IL1R1: variants seen among roughly 807,000 people sequenced by gnomAD.
IL1R1 encodes the protein interleukin 1 receptor type 1, also known as interleukin-1 receptor type 1.
Under a neutral mutation model 50.2 loss-of-function variants are expected in IL1R1, and 22 were observed. The observed-to-expected ratio is 0.44, with a 90% CI of 0.31 to 0.63. IL1R1 has a LOEUF of 0.63. Among genes scored for constraint, IL1R1 ranks in the 20% least tolerant of loss-of-function variants. The probability of loss-of-function intolerance (pLI) is 0.07; values close to 1 mark genes in which losing one functional copy is unlikely to be tolerated. For missense variants in IL1R1, 509 were observed against 676.2 expected (o/e 0.75, Z 2.74); for synonymous variants, 251 against 236.7 (o/e 1.06, Z -0.55).
chr2:102,101,628 A>T (rs542153539), upstream of IL1R1, among the ~76,000 whole-genome samples: 2 of 152,346 alleles, frequency 1.3e-5, no homozygotes, highest in South Asian at 4.1e-4. Context: ...TCATAAATGC[A>T]AATCAATTCT....
intron 1 of IL1R1, among the ~76,000 whole-genome samples, chr2:102,106,746 C>A (rs1165058200): frequency 6.6e-6 from 1 of 152,132 alleles, no homozygotes; most frequent in African/African-American, 2.4e-5. Context: ...ACATGCTTTT[C>A]GGTTATCTGC....
chr2:102,126,300 C>T (rs1348677150), intron 1 of IL1R1, among the ~76,000 whole-genome samples: 1 of 152,220 alleles, frequency 6.6e-6, no homozygotes, highest in African/African-American at 2.4e-5. Flanking sequence ...TTTAATGCAG[C>T]AGCTGCAAAT....
chr2:102,129,632 TA>T (rs1681922003), intron 1 of IL1R1, among the ~76,000 whole-genome samples: 1 of 152,188 alleles, frequency 6.6e-6, no homozygotes, highest in Admixed American at 6.5e-5. Flanking sequence ...TGCTGTGAAG[TA>T]TTGCTTTGAA....
intron 1 of IL1R1, among the ~76,000 whole-genome samples, chr2:102,091,358 C>T (rs1679659023): frequency 6.6e-6 from 1 of 152,046 alleles, no homozygotes; most frequent in African/African-American, 2.4e-5. Context: ...TTCTAAAATA[C>T]ATTCACTTTA....
upstream of IL1R1, chr2:102,141,679 T>G (rs547763438): frequency 6.6e-6 from 1 of 152,214 alleles, no homozygotes; most frequent in African/African-American, 2.4e-5. Context: ...CAGGGGTGGG[T>G]TACGAGAACA....
At chr2:102,100,128 G>A (rs924196230), upstream of IL1R1, among the ~76,000 whole-genome samples, 13 of 152,248 alleles carry the variant, frequency 8.5e-5, no homozygotes, top group African/African-American at 1.9e-4. Context: ...TCTGCACATC[G>A]TCGGGTTCTT....
chr2:102,087,326 C>T (rs1559454558), intron 1 of IL1R1, among the ~76,000 whole-genome samples: 2 of 152,130 alleles, frequency 1.3e-5, no homozygotes, highest in Non-Finnish European at 2.9e-5. Context: ...ATTAACCATG[C>T]CACAGCGATC....
chr2:102,112,341 T>G, intron 1 of IL1R1, among the ~76,000 whole-genome samples: 1 of 147,794 alleles, frequency 6.8e-6, no homozygotes, highest in African/African-American at 2.5e-5. Flanking sequence ...TGTGTGTGAG[T>G]GTGAGTGTGT....
chr2:102,102,927 A>G (rs1680206172), upstream of IL1R1, among the ~76,000 whole-genome samples: 1 of 152,172 alleles, frequency 6.6e-6, no homozygotes, highest in African/African-American at 2.4e-5. Context: ...GGTCTCACTT[A>G]TAAGTGAGAA....
intron 1 of IL1R1, among the ~76,000 whole-genome samples, chr2:102,076,677 T>C (rs967674186): frequency 9.2e-5 from 14 of 152,184 alleles, no homozygotes; most frequent in Non-Finnish European, 1.9e-4. Flanking sequence ...AAATCTGCTG[T>C]CATTCTTTTT....
At chr2:102,146,367 G>A (rs1433681455) in intron 1 of IL1R1, among the ~76,000 whole-genome samples, 2 of 152,076 alleles carry the variant, frequency 1.3e-5, no homozygotes, top group Non-Finnish European at 2.9e-5. Flanking sequence ...TACAACATAA[G>A]TTTAAAAAAT....
intron 1 of IL1R1, among the ~76,000 whole-genome samples, chr2:102,094,972 G>A (rs1679836698): frequency 6.6e-6 from 1 of 152,218 alleles, no homozygotes; most frequent in Admixed American, 6.5e-5. Context: ...AAAGGGGCGT[G>A]AGAAAAATTT....
intron 1 of IL1R1, among the ~76,000 whole-genome samples, chr2:102,073,517 G>A (rs1398417704): frequency 3.3e-5 from 5 of 152,106 alleles, no homozygotes; most frequent in Admixed American, 6.5e-5. Flanking sequence ...GTGTAGAGGA[G>A]ACTGATGATG....
chr2:102,091,301 G>A (rs1223876022), intron 1 of IL1R1, among the ~76,000 whole-genome samples: 1 of 152,116 alleles, frequency 6.6e-6, no homozygotes, highest in African/African-American at 2.4e-5. Context: ...GATAGCCTAT[G>A]AGTGTATGTA....
At chr2:102,093,836 T>C (rs113324260) in intron 1 of IL1R1, among the ~76,000 whole-genome samples, 1 of 151,112 alleles carries the variant, frequency 6.6e-6, no homozygotes, top group Non-Finnish European at 1.5e-5. Context: ...CTCCTCTGAG[T>C]GTCCGAGGAG....
chr2:102,104,741 C>T (rs573895227), exon 1 of IL1R1: 3 of 152,154 alleles, frequency 2.0e-5, no homozygotes, highest in African/African-American at 4.8e-5. Flanking sequence ...AAAGCACTTT[C>T]GTTTTTTAAT....
intron 1 of IL1R1, among the ~76,000 whole-genome samples, chr2:102,108,103 T>C (rs1186663187): frequency 6.6e-6 from 1 of 152,138 alleles, no homozygotes; most frequent in African/African-American, 2.4e-5. Flanking sequence ...TTATTATTAT[T>C]GTTGTTACTC....
chr2:102,094,512 G>A (rs6712668), intron 1 of IL1R1, among the ~76,000 whole-genome samples: 5,833 of 152,280 alleles, frequency 0.038, 246 homozygotes, highest in South Asian at 0.12. Flanking sequence ...TGTCCTGTAA[G>A]TATTAGTATT....
At chr2:102,159,190 TG>T (rs562100615) in intron 3 of IL1R1, among the ~76,000 whole-genome samples, 10 of 152,242 alleles carry the variant, frequency 6.6e-5, no homozygotes, top group Non-Finnish European at 1.2e-4. Context: ...GGGAAAGGTC[TG>T]GGTTGAATAT....
Sources: gnomAD v4.1 joint callset for allele counts (sites outside exome capture counted in the v4.1 genomes callset) on GRCh38, gnomAD v4.1.1 for gene constraint, MANE v1.5 for transcripts, NCBI Gene and HGNC (gene_info 2026-07-23, HGNC 2026-07-21) for gene names.